The following OR6N1 variants were observed in gnomAD, a reference collection of about 807,000 sequenced individuals.
OR6N1 encodes olfactory receptor family 6 subfamily N member 1, also known as olfactory receptor 6N1.
For synonymous variants in OR6N1, 170 were observed against 150.7 expected, an observed-to-expected ratio of 1.13 and a Z score of -0.94; for missense variants, 394 against 371.7, an observed-to-expected ratio of 1.06 and a Z score of -0.49.
the OR6N1 span, among the ~76,000 whole-genome samples, chr1:158,825,221 C>T: frequency 2.0e-5 from 3 of 152,152 alleles, no homozygotes; most frequent in East Asian, 1.9e-4. Flanking sequence ...GGGTGGATCA[C>T]GAGGCCAGGA....
At chr1:158,790,893 T>C in the OR6N1 span, among the ~76,000 whole-genome samples, 25 of 152,144 alleles carry the variant, frequency 1.6e-4, no homozygotes, top group Middle Eastern at 6.8e-3. Flanking sequence ...ATGGAGGTGG[T>C]TTTGTGATTT....
At chr1:158,804,085 A>G in the OR6N1 span, among the ~76,000 whole-genome samples, 2 of 152,216 alleles carry the variant, frequency 1.3e-5, no homozygotes, top group African/African-American at 4.8e-5. Context: ...GTCTGGGGAC[A>G]GGTTTTATAG....
At chr1:158,777,339 A>T in the OR6N1 span, 1 of 1,614,202 alleles carries the variant, frequency 6.2e-7, no homozygotes, top group Non-Finnish European at 8.5e-7. Flanking sequence ...AGTAGGTCTG[A>T]AGGAGGCATC....
chr1:158,787,635 T>TCTCACACACACA, the OR6N1 span, among the ~76,000 whole-genome samples: 653 of 134,272 alleles, frequency 4.9e-3, 6 homozygotes, highest in African/African-American at 0.018. Context: ...TCTCTCTCTC[T>TCTCACACACACA]CACACACACA....
At chr1:158,830,229 C>A in the OR6N1 span, among the ~76,000 whole-genome samples, 1 of 152,136 alleles carries the variant, frequency 6.6e-6, no homozygotes, top group Non-Finnish European at 1.5e-5. Flanking sequence ...ACCTTAAGAC[C>A]TGCTCGAAGC....
At chr1:158,792,276 A>G in the OR6N1 span, among the ~76,000 whole-genome samples, 21 of 152,156 alleles carry the variant, frequency 1.4e-4, no homozygotes, top group Non-Finnish European at 3.1e-4. Context: ...CCTTGAGCCT[A>G]TAAGAATCTT....
the OR6N1 span, among the ~76,000 whole-genome samples, chr1:158,794,269 T>C: frequency 6.6e-6 from 1 of 152,158 alleles, no homozygotes; most frequent in Admixed American, 6.5e-5. Context: ...CCTGTCAAAG[T>C]AGATTTAAAG....
At chr1:158,769,094 C>A (rs1190598894) in intron 1 of OR6N1, among the ~76,000 whole-genome samples, 1 of 152,078 alleles carries the variant, frequency 6.6e-6, no homozygotes, top group Non-Finnish European at 1.5e-5. Flanking sequence ...TTTGCATATG[C>A]AGTAGGAGTT....
chr1:158,780,014 T>TAC, the OR6N1 span, among the ~76,000 whole-genome samples: 1 of 151,964 alleles, frequency 6.6e-6, no homozygotes, highest in Non-Finnish European at 1.5e-5. Flanking sequence ...ATGTTTTATT[T>TAC]TAGCCTAAAT....
the OR6N1 span, among the ~76,000 whole-genome samples, chr1:158,790,626 G>C: frequency 1.3e-5 from 2 of 152,028 alleles, no homozygotes; most frequent in Non-Finnish European, 2.9e-5. Context: ...GGATGGTCTC[G>C]ATCTCCTGAC....
At chr1:158,818,911 T>G in the OR6N1 span, among the ~76,000 whole-genome samples, 1 of 152,136 alleles carries the variant, frequency 6.6e-6, no homozygotes, top group Non-Finnish European at 1.5e-5. Context: ...GCTAGACTTA[T>G]CCAATGAGGC....
At chr1:158,801,557 T>C in the OR6N1 span, among the ~76,000 whole-genome samples, 1 of 152,168 alleles carries the variant, frequency 6.6e-6, no homozygotes, top group Admixed American at 6.5e-5. Flanking sequence ...AGAAAAAGCA[T>C]TCTATTTCTA....
At chr1:158,812,918 A>G in the OR6N1 span, among the ~76,000 whole-genome samples, 6 of 152,216 alleles carry the variant, frequency 3.9e-5, no homozygotes, top group Non-Finnish European at 7.3e-5. Flanking sequence ...TGAGATGTCT[A>G]ACACACAGTT....
At chr1:158,827,073 CTTAAG>C in the OR6N1 span, among the ~76,000 whole-genome samples, 1 of 152,092 alleles carries the variant, frequency 6.6e-6, no homozygotes, top group Non-Finnish European at 1.5e-5. Flanking sequence ...AACATAAATT[CTTAAG>C]TTAAATGATT....
chr1:158,829,306 T>C, the OR6N1 span, among the ~76,000 whole-genome samples: 3 of 152,258 alleles, frequency 2.0e-5, no homozygotes, highest in African/African-American at 7.2e-5. Flanking sequence ...GTTTCCCTTT[T>C]AAAACTGAAT....
chr1:158,834,552 C>G, the OR6N1 span, among the ~76,000 whole-genome samples: 11 of 152,134 alleles, frequency 7.2e-5, no homozygotes, highest in East Asian at 1.9e-3. Flanking sequence ...TGAATATTTT[C>G]TCTCATTCTC....
At chr1:158,803,265 A>T in the OR6N1 span, among the ~76,000 whole-genome samples, 1 of 152,200 alleles carries the variant, frequency 6.6e-6, no homozygotes, top group Non-Finnish European at 1.5e-5. Flanking sequence ...TGACTTTGGG[A>T]TTGAAAGAGT....
intron 1 of OR6N1, among the ~76,000 whole-genome samples, chr1:158,769,359 TA>T (rs1363744161): frequency 6.6e-6 from 1 of 152,040 alleles, no homozygotes; most frequent in Admixed American, 6.6e-5. Context: ...AGATGGGGTT[TA>T]GCCATATTGC....
chr1:158,770,279 T>C (rs1657391961), intron 1 of OR6N1, among the ~76,000 whole-genome samples: 1 of 152,178 alleles, frequency 6.6e-6, no homozygotes, highest in Admixed American at 6.5e-5. Context: ...CCTGCTGTTG[T>C]TCACTCCCTC....
Sources: allele counts gnomAD v4.1 joint callset (sites outside exome capture counted in the v4.1 genomes callset), GRCh38; gene constraint gnomAD v4.1.1; transcripts MANE v1.5; gene names NCBI Gene and HGNC (gene_info 2026-07-23, HGNC 2026-07-21).